The following ARSF variants were observed in gnomAD, a reference collection of about 807,000 sequenced individuals.
ARSF encodes arylsulfatase F.
ARSF carries 33 observed loss-of-function variants against 35.4 expected under a neutral mutation model. The observed-to-expected ratio is 0.93, with a 90% CI of 0.71 to 1.25. ARSF has a LOEUF of 1.25. Ranked by LOEUF, ARSF falls within the 50% of genes most tolerant of loss-of-function variation. The pLI is 0.00. For missense variants in ARSF, 501 were observed against 480.2 expected (o/e 1.04, Z -0.40); for synonymous variants, 222 against 193.1 (o/e 1.15, Z -1.24).
At chrX:3,052,776 A>G (rs1423696956) in intron 1 of ARSF, among the ~76,000 whole-genome samples, 1 of 110,756 alleles carries the variant, frequency 9.0e-6, no homozygotes, top group Non-Finnish European at 1.9e-5. Context: ...ACCTTTTTTT[A>G]TGCATACGCC....
At chrX:3,088,998 T>G (rs1188606027) in intron 6 of ARSF, among the ~76,000 whole-genome samples, 2 of 111,354 alleles carry the variant, frequency 1.8e-5, no homozygotes, top group Non-Finnish European at 3.8e-5. Context: ...TAAGTCAGCT[T>G]CTCATAGGGT....
chrX:3,091,816 G>T (rs1406311776), intron 7 of ARSF, among the ~76,000 whole-genome samples: 2 of 44,745 alleles, frequency 4.5e-5, no homozygotes, highest in African/African-American at 2.7e-4. Context: ...ATAGATAGAT[G>T]ATGGACTGAT....
chrX:3,065,274 G>A (rs1427874883), intron 1 of ARSF, among the ~76,000 whole-genome samples: 13 of 98,456 alleles, frequency 1.3e-4, no homozygotes, highest in Non-Finnish European at 2.7e-4. Context: ...ATCACACACC[G>A]GGCCTGTTGT....
chrX:3,068,055 C>A lies in ARSF; in HGVS notation c.-28-18C>A, dbSNP rs756580319. 5 of 1,113,166 alleles carry A rather than the reference C, an allele frequency of 4.5e-6. No homozygotes were observed. In the South Asian group the frequency reaches 1.0e-4, roughly 23 times the overall value. 91.7% of individuals were successfully genotyped at this position (1,113,166 alleles called of 1,213,427 possible). Reference sequence around the variant, plus strand: ...TTTTTTTTGGTCTTTTAAATCACGTCTGTGTCTTCTGCCAAAGACAACAAG... The same window carrying A: ...TTTTTTTTGGTCTTTTAAATCACGTATGTGTCTTCTGCCAAAGACAACAAG... On this transcript the variant is annotated intron_variant, in intron 1 of 10. Coordinates refer to ENST00000381127, the MANE Select transcript of ARSF (RefSeq NM_001201539.2).
chrX:3,112,529 G>T lies in ARSF; in HGVS notation c.1746G>T (p.Gln582His). 1 of 1,187,962 alleles carries T rather than the reference G, an allele frequency of 8.4e-7. No individual in the cohort carries two copies. Among genetic ancestry groups the T allele is most frequent in the Non-Finnish European group, 1.1e-6 (1 of 878,011 alleles). The change falls in exon 11 of 11, where the codon CAG (glutamine) becomes CAT (histidine). Residue 582 changes from glutamine (Q) to histidine (H), a missense_variant. Coordinates refer to ENST00000381127, the MANE Select transcript of ARSF (RefSeq NM_001201539.2). ...GTGACAAGGAAGAGGAAGTCTCTCA[G>T]CCTCGGGGTCCTAACGAGAAGAGAT... Reference protein sequence around the residue: ...CLCDKEEEVSQPRGPNEKR With the variant: ...CLCDKEEEVSHPRGPNEKR
intron 1 of ARSF, among the ~76,000 whole-genome samples, chrX:3,060,543 C>G (rs188733646): frequency 9.0e-6 from 1 of 111,387 alleles, no homozygotes; most frequent in Admixed American, 9.7e-5. Context: ...TCAAACCCAT[C>G]GCAAGGACGC....
Position 3,084,584 on chromosome X carries a change from G to A in ARSF, c.748G>A (p.Gly250Arg). ...ATACTGGGACTGCCTCCTCATGCGG[G>A]GGCACGAGATCACGGAGCAGCCCAT... ...PLYWDCLLMR[G>R]HEITEQPMKA... The change falls in exon 6 of 11, where the codon GGG becomes AGG. Residue 250 changes from glycine to arginine, a missense_variant. Transcript: ENST00000381127. 1 of 1,210,715 alleles carries A rather than the reference G, an allele frequency of 8.3e-7. No homozygotes were observed. The highest frequency in any genetic ancestry group is 1.1e-6 in the Non-Finnish European group (1 of 894,808).
intron 1 of ARSF, among the ~76,000 whole-genome samples, chrX:3,065,871 G>A (rs931440226): frequency 9.0e-6 from 1 of 110,743 alleles, no homozygotes; most frequent in Non-Finnish European, 1.9e-5. Flanking sequence ...GGCCGAGATG[G>A]GAGGATTGCT....
intron 1 of ARSF, among the ~76,000 whole-genome samples, chrX:3,050,417 G>A (rs1322124924): frequency 9.2e-6 from 1 of 109,021 alleles, no homozygotes; most frequent in Non-Finnish European, 1.9e-5. Flanking sequence ...GTCGTGGCAC[G>A]CACCTGTAAT....
chrX:3,052,501 A>G (rs1242772971), intron 1 of ARSF, among the ~76,000 whole-genome samples: 1 of 111,204 alleles, frequency 9.0e-6, no homozygotes, highest in African/African-American at 3.3e-5. Context: ...CACTGATTAA[A>G]AAGAAACAGC....
chrX:3,112,602 G>A lies in ARSF; in HGVS notation c.*46G>A. Reference sequence around the variant, plus strand: ...GAAGCCTTTGGTCCTAACGAGAAGAGATAATTACAATCAGGCTACCAAAGG... The same window carrying A: ...GAAGCCTTTGGTCCTAACGAGAAGAAATAATTACAATCAGGCTACCAAAGG... On this transcript the variant is annotated 3_prime_UTR_variant, in exon 11 of 11. Transcript: ENST00000381127. 8.7e-7 allele frequency: 1 copy of A among 1,144,278 alleles called. No individual in the cohort carries two copies. The highest frequency in any genetic ancestry group is 2.2e-5 in the South Asian group (1 of 45,948). The allele number at this position is 1,144,278 out of a possible 1,213,427, so 94.3% of individuals were successfully genotyped here.
At chrX:3,043,321 C>T (rs771018830) in intron 1 of ARSF, among the ~76,000 whole-genome samples, 1 of 111,663 alleles carries the variant, frequency 9.0e-6, no homozygotes, top group Non-Finnish European at 1.9e-5. Context: ...ATAATACAGT[C>T]TGTAAAAAAG....
chrX:3,045,046 A>C (rs144085883), intron 1 of ARSF, among the ~76,000 whole-genome samples: 236 of 111,902 alleles, frequency 2.1e-3, no homozygotes, highest in Admixed American at 3.7e-3. Context: ...TTATAAAAAC[A>C]CAAAGATGTG....
chrX:3,053,758 A>ATT (rs773968797), intron 1 of ARSF, among the ~76,000 whole-genome samples: 74 of 82,613 alleles, frequency 9.0e-4, no homozygotes, highest in Non-Finnish European at 1.5e-3. Context: ...CGCCTGGGTA[A>ATT]TTTTTTTTTT....
intron 5 of ARSF, among the ~76,000 whole-genome samples, chrX:3,083,421 C>T (rs902892475): frequency 9.0e-6 from 1 of 110,731 alleles, no homozygotes; most frequent in African/African-American, 3.3e-5. Context: ...CACATCTATA[C>T]ATGCTCCATC....
intron 8 of ARSF, among the ~76,000 whole-genome samples, chrX:3,103,560 A>G (rs2090393302): frequency 1.8e-5 from 2 of 112,080 alleles, no homozygotes; most frequent in Admixed American, 9.5e-5. Flanking sequence ...ACATATGCTT[A>G]GTTATTTAAT....
intron 4 of ARSF, among the ~76,000 whole-genome samples, chrX:3,080,527 C>T (rs1356281640): frequency 9.0e-6 from 1 of 110,595 alleles, no homozygotes; most frequent in Non-Finnish European, 1.9e-5. Flanking sequence ...ACAAAAATAC[C>T]ATAGACTGGG....
At chrX:3,088,877 A>G (rs942593640) in intron 6 of ARSF, among the ~76,000 whole-genome samples, 27 of 110,875 alleles carry the variant, frequency 2.4e-4, no homozygotes, top group African/African-American at 8.9e-4. Flanking sequence ...CCATCCTTCC[A>G]AGGAGTTCTG....
intron 10 of ARSF, among the ~76,000 whole-genome samples, chrX:3,110,566 A>C (rs1175691396): frequency 8.9e-6 from 1 of 112,534 alleles, no homozygotes; most frequent in Non-Finnish European, 1.9e-5. Flanking sequence ...TATGAACATA[A>C]GATTTGCCTA....
Sources: allele counts gnomAD v4.1 joint callset (sites outside exome capture counted in the v4.1 genomes callset), GRCh38; gene constraint gnomAD v4.1.1; transcripts MANE v1.5; gene names NCBI Gene and HGNC (gene_info 2026-07-23, HGNC 2026-07-21).